CHD4: variants seen among roughly 807,000 people sequenced by gnomAD.
CHD4 encodes chromodomain helicase DNA binding protein 4.
In CHD4, 35 loss-of-function variants were observed where a neutral mutation model predicts 235.5. That is an observed-to-expected ratio of 0.15 (90% CI 0.11 to 0.20). The LOEUF is 0.20. Ranked by LOEUF, CHD4 falls within the 10% of genes least tolerant of loss-of-function variation. The pLI is 1.00. For synonymous variants in CHD4, 900 were observed against 850.2 expected, an observed-to-expected ratio of 1.06 and a Z score of -1.02; for missense variants, 1,329 against 2,432.3, an observed-to-expected ratio of 0.55 and a Z score of 9.54.
At chr12:6,602,668 A>G (rs959200487) in intron 2 of CHD4, among the ~76,000 whole-genome samples, 171 bp from the exon 3 acceptor site, 5 of 152,140 alleles carry the variant, frequency 3.3e-5, no homozygotes, top group Non-Finnish European at 5.9e-5. Flanking sequence ...AAAACAGACA[A>G]AGAGAGAGCT....
At position 6,588,253 on chromosome 12, in the gene CHD4, A is replaced by G. The variant is rs186906512; in HGVS notation, c.3465+45T>C. 3.1e-6 allele frequency: 5 copies of G among 1,601,314 alleles called. 1 individual carries two copies. In the Admixed American group the frequency reaches 8.5e-5, roughly 27 times the overall value. On this transcript the variant is annotated intron_variant, in intron 23 of 39. Coordinates refer to ENST00000544040, the MANE Select transcript of CHD4 (RefSeq NM_001273.5). ...CTCATAGAGGCCACTATGCCTTTCT[A>G]GCATAACATGTTACTTATTAAGGCT...
intron 1 of CHD4, chr12:6,606,743 G>A (rs1351108710): frequency 5.9e-6 from 1 of 170,332 alleles, no homozygotes; most frequent in Non-Finnish European, 1.2e-5. Context: ...GGGTCCGAGT[G>A]GCAGCGGCGC....
In CHD4 at chr12:6,581,530, TGA is replaced by T. The variant is rs781474417; in HGVS notation, c.4681+117_4681+118del. 3.2e-6 allele frequency: 5 copies of T among 1,545,318 alleles called. No individual in the cohort carries two copies. In the African/African-American group the frequency reaches 6.8e-5, roughly 21 times the overall value. Reference sequence around the variant, plus strand: ...TATTCTTAGGACGGCCCTCCTAAACTGAGAGGGAATTGCTGTGTGTCCTGCCA... The same window carrying T: ...TATTCTTAGGACGGCCCTCCTAAACTGAGGGAATTGCTGTGTGTCCTGCCA... On this transcript the variant is annotated intron_variant, in intron 31 of 39. Coordinates refer to ENST00000544040, the MANE Select transcript of CHD4 (RefSeq NM_001273.5).
In CHD4 at chr12:6,593,038, G is replaced by A. The variant is rs1948427965; in HGVS notation, c.2652+53C>T. The A allele has an allele frequency of 6.2e-7, 1 of 1,603,662 alleles. No homozygotes were observed. Among genetic ancestry groups the A allele is most frequent in the Non-Finnish European group, 8.5e-7 (1 of 1,176,414 alleles). On this transcript the variant is annotated intron_variant, in intron 17 of 39. Transcript: ENST00000544040. This position sits in a 1 kb window ranked among gnomAD's most constrained non-coding sequence, Gnocchi z 4.9. ...AAGTTTTCCCCTTAATGAATTGGTAGTACTAGAAAAAACCCAAAGTGGGGG... is the reference window on the plus strand; with the variant it reads ...AAGTTTTCCCCTTAATGAATTGGTAATACTAGAAAAAACCCAAAGTGGGGG...
At chr12:6,577,141 A>T (rs937066948) in intron 37 of CHD4, among the ~76,000 whole-genome samples, 16 of 152,156 alleles carry the variant, frequency 1.1e-4, no homozygotes, top group Non-Finnish European at 1.9e-4. Context: ...GAACCAGGCC[A>T]GGCATGGTGG....
At position 6,595,998 on chromosome 12, in the gene CHD4, T is replaced by C; in HGVS notation, c.2024+8A>G. The C allele has an allele frequency of 6.3e-7, 1 of 1,595,220 alleles. No homozygotes were observed. The highest frequency in any genetic ancestry group is 8.5e-7 in the Non-Finnish European group (1 of 1,171,190). On this transcript the variant is annotated splice_region_variant and intron_variant, in intron 13 of 39. Transcript: ENST00000544040. ...AAACAACTCTATGCCTCACCCAAAA[T>C]CACTCACCTGTGATTCCAATAGCTC...
chr12:6,595,534 G>T, intron 13 of CHD4, 104 bp from the exon 14 acceptor site: 2 of 966,870 alleles, frequency 2.1e-6, no homozygotes, highest in Non-Finnish European at 3.2e-6. Context: ...CATTTTGGGA[G>T]GCCAGCACTT....
intron 22 of CHD4, among the ~76,000 whole-genome samples, chr12:6,588,849 G>A (rs1457050643): frequency 1.3e-5 from 2 of 152,132 alleles, no homozygotes; most frequent in Non-Finnish European, 1.5e-5. Context: ...GGAAGCTGAG[G>A]CAGGAGAATC....
At chr12:6,573,477 T>C in intron 37 of CHD4, 1 of 372,396 alleles carries the variant, frequency 2.7e-6, no homozygotes, top group Non-Finnish European at 4.7e-6. Flanking sequence ...TTTTTAAAAC[T>C]CTTTACCCTT....
chr12:6,576,125 G>A (rs1488201304), intron 37 of CHD4, among the ~76,000 whole-genome samples: 1 of 151,808 alleles, frequency 6.6e-6, no homozygotes, highest in Non-Finnish European at 1.5e-5. Flanking sequence ...TTGGGAGTCC[G>A]AGGCGGGCAG....
chr12:6,605,663 C>T (rs920661165), intron 2 of CHD4, among the ~76,000 whole-genome samples: 1 of 152,166 alleles, frequency 6.6e-6, no homozygotes, highest in Non-Finnish European at 1.5e-5. Context: ...GCTATTACAT[C>T]CTCCCCGAGC....
Position 6,582,609 on chromosome 12 carries a change from A to T in CHD4, c.4370+6T>A. ...CTAGATCAGTCCACTCCAGCCCTCA[A>T]CTCACTTGAACTCTTTCTCTGATTT... is the stretch of plus-strand genomic sequence containing the variant. On this transcript the variant is annotated splice_donor_region_variant and intron_variant, in intron 29 of 39. Coordinates refer to ENST00000544040, the MANE Select transcript of CHD4 (RefSeq NM_001273.5). 1 of 1,607,294 alleles carries T rather than the reference A, an allele frequency of 6.2e-7. No individual in the cohort carries two copies. The highest frequency in any genetic ancestry group is 8.5e-7 in the Non-Finnish European group (1 of 1,176,340).
rs760839505 is a variant in CHD4 at position 6,581,273 on chromosome 12, A to G, written c.4779+18T>C. ...CACATTTGTCTTTAGTATGGCATTC[A>G]GTCACCCCATCTCTTACCTCAATGG... is the stretch of plus-strand genomic sequence containing the variant. On this transcript the variant is annotated intron_variant, in intron 32 of 39. Transcript: ENST00000544040. The G allele has an allele frequency of 5.6e-6, 9 of 1,613,962 alleles. No individual in the cohort carries two copies. Among genetic ancestry groups the G allele is most frequent in the East Asian group, 2.2e-5 (1 of 44,882 alleles).
Position 6,580,963 on chromosome 12 carries a change from C to T in CHD4, c.4909+81G>A, listed in dbSNP as rs1361542999. On this transcript the variant is annotated intron_variant, in intron 33 of 39. Transcript: ENST00000544040. Reference sequence around the variant, plus strand: ...TGGAGGTTGCAGTAAGCCAAGATCGCGCCACAGCACTCCAGCCTGGCGGCA... The same window carrying T: ...TGGAGGTTGCAGTAAGCCAAGATCGTGCCACAGCACTCCAGCCTGGCGGCA... 1.3e-5 allele frequency: 20 copies of T among 1,522,866 alleles called. No homozygotes were observed. In the Admixed American group the frequency reaches 1.3e-4, roughly 10 times the overall value. 94.3% of individuals were successfully genotyped at this position (1,522,866 alleles called of 1,614,324 possible).
chr12:6,581,192 CA>C lies in CHD4; in HGVS notation c.4780-20del, dbSNP rs763846015. On this transcript the variant is annotated intron_variant, in intron 32 of 39. Transcript: ENST00000544040. ...GTGTACACTTCAAAGGAAAAAAAAA[CA>C]AAAACAAAACAGATGAAGCAGACAG... 3 of 1,609,314 alleles carry C rather than the reference CA, an allele frequency of 1.9e-6. No homozygotes were observed. Among genetic ancestry groups the C allele is most frequent in the Admixed American group, 3.4e-5 (2 of 58,600 alleles).
intron 2 of CHD4, among the ~76,000 whole-genome samples, chr12:6,605,612 GGA>G (rs1335856386): frequency 6.6e-6 from 1 of 152,096 alleles, no homozygotes; most frequent in South Asian, 2.1e-4. Flanking sequence ...CCACTCACCA[GGA>G]GGAGGAGTGC....
chr12:6,577,942 A>T (rs367790494), intron 36 of CHD4, 25 bp from the exon 37 acceptor site: 34 of 1,613,386 alleles, frequency 2.1e-5, no homozygotes, highest in Non-Finnish European at 2.5e-5. Context: ...CTCAGGAAAA[A>T]CAAAACAAGG....
chr12:6,591,892 G>C, intron 20 of CHD4, 24 bp downstream of exon 20: 3 of 1,614,096 alleles, frequency 1.9e-6, no homozygotes, highest in Non-Finnish European at 2.5e-6. Context: ...AACCCAGGGA[G>C]GAACAGGAGA....
chr12:6,587,110 T>C (rs746712657), intron 25 of CHD4: 9 of 421,428 alleles, frequency 2.1e-5, no homozygotes, highest in Non-Finnish European at 3.8e-5. Flanking sequence ...TTTGTAAGGT[T>C]TAATAAAACA....
Sources: allele counts gnomAD v4.1 joint callset (sites outside exome capture counted in the v4.1 genomes callset), GRCh38; gene constraint gnomAD v4.1.1; non-coding constraint Gnocchi (gnomAD v3.1); transcripts MANE v1.5; gene names NCBI Gene and HGNC (gene_info 2026-07-23, HGNC 2026-07-21).